TSC22D1: variants seen among roughly 807,000 people sequenced by gnomAD.
TSC22D1 encodes the protein TSC22 domain family protein 1.
In TSC22D1, 9 loss-of-function variants were observed where a neutral mutation model predicts 74.2. The ratio of observed to expected loss-of-function variants is 0.12; its 90% CI spans 0.07 to 0.21. The LOEUF is 0.21. Among genes scored for constraint, TSC22D1 ranks in the 10% least tolerant of loss-of-function variants. The pLI, the probability that TSC22D1 is intolerant of heterozygous loss-of-function variation, is 1.00. For missense variants in TSC22D1, 1,427 were observed against 1,304.7 expected (o/e 1.09, Z -1.44); for synonymous variants, 586 against 492.5 (o/e 1.19, Z -2.51).
At chr13:44,531,636 C>T (rs1880843807) in intron 1 of TSC22D1, among the ~76,000 whole-genome samples, 1 of 152,200 alleles carries the variant, frequency 6.6e-6, no homozygotes, top group Non-Finnish European at 1.5e-5. Flanking sequence ...TATATCCTAA[C>T]TCAACCAGTG....
At chr13:44,466,409 T>C (rs1377587277) in intron 1 of TSC22D1, among the ~76,000 whole-genome samples, 9 of 152,230 alleles carry the variant, frequency 5.9e-5, no homozygotes, top group Non-Finnish European at 1.0e-4. Flanking sequence ...TGGAGGTAGA[T>C]AAGTGGGTGG....
intron 1 of TSC22D1, among the ~76,000 whole-genome samples, chr13:44,552,087 T>A (rs868634570): frequency 1.3e-4 from 20 of 152,314 alleles, no homozygotes; most frequent in South Asian, 2.1e-4. Flanking sequence ...CGTAAAGGAA[T>A]TCCCAAAAGA....
intron 1 of TSC22D1, among the ~76,000 whole-genome samples, chr13:44,555,010 T>A (rs189744622): frequency 6.6e-6 from 1 of 152,134 alleles, no homozygotes; most frequent in African/African-American, 2.4e-5. Context: ...GTCCACTTGT[T>A]AGAAGCTTTT....
chr13:44,497,952 A>G (rs966085631), intron 1 of TSC22D1, among the ~76,000 whole-genome samples: 2 of 152,122 alleles, frequency 1.3e-5, no homozygotes, highest in African/African-American at 2.4e-5. Flanking sequence ...TCCTAGCACA[A>G]AAGGCCATTC....
intron 1 of TSC22D1, chr13:44,538,416 G>C: frequency 1.0e-6 from 1 of 985,142 alleles, no homozygotes; most frequent in Non-Finnish European, 1.2e-6. Flanking sequence ...TTCAGTGTCA[G>C]GCAACAAAAA....
At chr13:44,466,491 G>A (rs370593446) in intron 1 of TSC22D1, among the ~76,000 whole-genome samples, 24 of 152,124 alleles carry the variant, frequency 1.6e-4, no homozygotes, top group African/African-American at 3.4e-4. Flanking sequence ...TTCCTTGGCC[G>A]GGCATAGTGG....
At position 44,575,044 on chromosome 13, in the gene TSC22D1, G is replaced by A. The variant is rs1169954059; in HGVS notation, c.1031C>T (p.Pro344Leu). 1 of 1,614,010 alleles carries A rather than the reference G, an allele frequency of 6.2e-7. No individual in the cohort carries two copies. The highest frequency in any genetic ancestry group is 1.3e-5 in the African/African-American group (1 of 74,914). ...CCCAACACTCACACCAGCAGCACTA[G>A]GAATATTGCTTGTACTTATATTAAC... ...GNVNISTSNIPSAAGVSVGPG... is the reference protein window; with the variant it reads ...GNVNISTSNILSAAGVSVGPG... Residue 344 changes from proline (P) to leucine (L), a missense_variant, in exon 1 of 3, where the codon CCT (proline) becomes CTT (leucine). This residue lies in a region of TSC22D1 where 1,343 missense variants were observed against 1,191.5 expected (regional missense o/e 1.13). Coordinates refer to ENST00000458659, the MANE Select transcript of TSC22D1 (RefSeq NM_183422.4).
intron 1 of TSC22D1, among the ~76,000 whole-genome samples, chr13:44,529,762 T>C (rs528200414): frequency 6.6e-6 from 1 of 152,114 alleles, no homozygotes; most frequent in African/African-American, 2.4e-5. Context: ...CACAAGTCAA[T>C]TGCTTTCCCA....
chr13:44,574,465 T>C lies in TSC22D1; in HGVS notation c.1610A>G (p.Gln537Arg). Reference protein sequence around the residue: ...PQSIPAVSIPQSISQSQISQV... With the variant: ...PQSIPAVSIPRSISQSQISQV... The stretch of plus-strand genomic sequence containing the variant: ...TGAGATCTGTGACTGAGAAATACTC[T>C]GTGGTATACTAACTGCTGGAATACT... The change falls in exon 1 of 3, where the codon CAG becomes CGG. Residue 537 changes from glutamine (Q) to arginine (R), a missense_variant. Physicochemically the swap from Gln to Arg is conservative, Grantham distance 43 (BLOSUM62 1). Transcript: ENST00000458659. 6.2e-7 allele frequency: 1 copy of C among 1,614,032 alleles called. No homozygotes were observed. The highest frequency in any genetic ancestry group is 8.5e-7 in the Non-Finnish European group (1 of 1,179,948).
chr13:44,466,194 G>C (rs1392056685), intron 1 of TSC22D1, among the ~76,000 whole-genome samples: 2 of 152,150 alleles, frequency 1.3e-5, no homozygotes, highest in African/African-American at 2.4e-5. Context: ...CAAGGGCTAG[G>C]ATTTACGATC....
At chr13:44,511,082 A>AC in intron 1 of TSC22D1, among the ~76,000 whole-genome samples, 1 of 152,092 alleles carries the variant, frequency 6.6e-6, no homozygotes, top group East Asian at 1.9e-4. Flanking sequence ...GCCCAGGGAG[A>AC]CCATCCTGGG....
At chr13:44,518,785 G>C (rs1207133198) in intron 1 of TSC22D1, among the ~76,000 whole-genome samples, 1 of 152,064 alleles carries the variant, frequency 6.6e-6, no homozygotes, top group African/African-American at 2.4e-5. Context: ...TTAATCAGAT[G>C]GTCTCCCATC....
intron 1 of TSC22D1, among the ~76,000 whole-genome samples, chr13:44,446,753 AAG>A (rs1448372422): frequency 1.9e-4 from 5 of 25,842 alleles, no homozygotes; most frequent in East Asian, 9.5e-4. Context: ...AAAAAAAAAA[AAG>A]AAGAAGAAGA....
At chr13:44,511,078 G>A (rs1879690040) in intron 1 of TSC22D1, among the ~76,000 whole-genome samples, 1 of 151,990 alleles carries the variant, frequency 6.6e-6, no homozygotes. Context: ...TTAAGCCCAG[G>A]GAGACCATCC....
chr13:44,475,587 A>G (rs979003222), intron 1 of TSC22D1, among the ~76,000 whole-genome samples: 1 of 152,146 alleles, frequency 6.6e-6, no homozygotes, highest in African/African-American at 2.4e-5. Context: ...AAGACCATAA[A>G]CCAGCAAGCC....
At chr13:44,475,787 AAT>A (rs1877877718) in intron 1 of TSC22D1, among the ~76,000 whole-genome samples, 1 of 152,322 alleles carries the variant, frequency 6.6e-6, no homozygotes, top group African/African-American at 2.4e-5. Flanking sequence ...AAATCAATAT[AAT>A]AGTGAAAAAT....
At position 44,488,135 on chromosome 13, in the gene TSC22D1, T is replaced by C. The variant is rs9316086; in HGVS notation, c.2913-52040A>G. 8.0e-3 allele frequency among the ~76,000 whole-genome samples: 1,214 copies of C among 152,308 alleles called. 12 individuals are homozygous for C. The highest frequency in any genetic ancestry group is 0.028 in the African/African-American group (1,146 of 41,558). On this transcript the variant is annotated intron_variant, in intron 1 of 2. Transcript: ENST00000458659. Reference sequence around the variant, plus strand: ...CTACAGAACACATCCTTCTTAATGGTCAAATGTCAGAAGTATTTGTTTCAA... The same window carrying C: ...CTACAGAACACATCCTTCTTAATGGCCAAATGTCAGAAGTATTTGTTTCAA...
rs545178687 is a variant in TSC22D1 at position 44,531,028 on chromosome 13, T to C, written c.2912+42135A>G. On this transcript the variant is annotated intron_variant, in intron 1 of 2. Transcript: ENST00000458659. ...AGGACATTTCTAGGTCAAACTATTC[T>C]GTATGATACTAATGGTGAATACGTG... Among the ~76,000 whole-genome samples the C allele has an allele frequency of 2.0e-5, 3 of 152,338 alleles. No individual in the cohort carries two copies. The South Asian group carries it at 6.2e-4, about 32-fold the overall frequency.
intron 1 of TSC22D1, among the ~76,000 whole-genome samples, chr13:44,474,866 C>T (rs17210766): frequency 6.6e-6 from 1 of 151,940 alleles, no homozygotes; most frequent in African/African-American, 2.4e-5. Flanking sequence ...AATGTAGAAA[C>T]GAGATATCTG....
Sources: allele counts gnomAD v4.1 joint callset (sites outside exome capture counted in the v4.1 genomes callset), GRCh38; gene constraint gnomAD v4.1.1; regional missense constraint gnomAD v4.1.1; transcripts MANE v1.5; gene names NCBI Gene and HGNC (gene_info 2026-07-23, HGNC 2026-07-21).